Variants in ZNF324B observed in about 807,000 individuals in gnomAD.
The protein encoded by ZNF324B is zinc finger protein 324B.
In ZNF324B, 7 loss-of-function variants were observed where a neutral mutation model predicts 10.6. That is an observed-to-expected ratio of 0.66 (90% CI 0.38 to 1.24). The LOEUF (loss-of-function observed/expected upper bound fraction) is 1.24, where lower values mean the gene tolerates loss of function less well. ZNF324B is among the 50% of genes most tolerant of loss of function. ZNF324B has a pLI of 0.02. For missense variants in ZNF324B, 640 were observed against 764.7 expected, an observed-to-expected ratio of 0.84 and a Z score of 1.92; for synonymous variants, 316 against 321.0, an observed-to-expected ratio of 0.98 and a Z score of 0.17.
chr19:58,427,709 G>A, the ZNF324B span, among the ~76,000 whole-genome samples: 1 of 151,354 alleles, frequency 6.6e-6, no homozygotes, highest in South Asian at 2.1e-4. Flanking sequence ...AGGCTGGAGT[G>A]CAGTGGTGCA....
At chr19:58,428,837 A>C in the ZNF324B span, 1 of 152,212 alleles carries the variant, frequency 6.6e-6, no homozygotes, top group African/African-American at 2.4e-5. Context: ...GATAGTTCCC[A>C]CATAGCCCTG....
chr19:58,456,803 A>G lies in ZNF324B; in HGVS notation c.*224A>G. On this transcript the variant is annotated 3_prime_UTR_variant, in exon 4 of 4. Transcript: ENST00000336614. This position sits in a 1 kb window ranked among gnomAD's most constrained non-coding sequence, Gnocchi z 4.7. Reference sequence around the variant, plus strand: ...CTCAAAGAGGTAACACTGCAGAAACATCAGAGGGAGGACATGTCAGCTGGA... The same window carrying G: ...CTCAAAGAGGTAACACTGCAGAAACGTCAGAGGGAGGACATGTCAGCTGGA... 1.6e-6 allele frequency: 1 copy of G among 606,634 alleles called. No homozygotes were observed. Among genetic ancestry groups the G allele is most frequent in the Non-Finnish European group, 2.9e-6 (1 of 348,048 alleles). The allele number at this position is 606,634 out of a possible 1,614,324, so 37.6% of individuals were successfully genotyped here. A position where few individuals can be genotyped will look rare whatever the true frequency, so the allele number is the denominator to read the frequency against.
chr19:58,439,998 C>T, the ZNF324B span: 5 of 634,662 alleles, frequency 7.9e-6, no homozygotes, highest in Non-Finnish European at 1.3e-5. Context: ...GCTCCACTTT[C>T]GGGAACACCT....
the ZNF324B span, among the ~76,000 whole-genome samples, chr19:58,424,720 G>A: frequency 7.2e-5 from 11 of 152,248 alleles, no homozygotes; most frequent in East Asian, 2.1e-3. Context: ...TGCACCTGTA[G>A]TCCCAGCTAC....
the ZNF324B span, chr19:58,436,757 C>A: frequency 1.9e-6 from 1 of 513,058 alleles, no homozygotes; most frequent in Non-Finnish European, 3.6e-6. Context: ...GGTAACCCGA[C>A]CAGGGATTGG....
At chr19:58,450,715 A>G (rs1599976510), upstream of ZNF324B, among the ~76,000 whole-genome samples, 1 of 152,214 alleles carries the variant, frequency 6.6e-6, no homozygotes, top group East Asian at 1.9e-4. Flanking sequence ...GAGGAAGACA[A>G]AATGAATTAA....
chr19:58,441,732 G>C, the ZNF324B span: 33,845 of 152,332 alleles, frequency 0.22, 4,320 homozygotes, highest in East Asian at 0.41. Context: ...AACGGCCTGA[G>C]GATAGGATTT....
At chr19:58,450,844 C>T (rs1326247450), upstream of ZNF324B, among the ~76,000 whole-genome samples, 1 of 152,136 alleles carries the variant, frequency 6.6e-6, no homozygotes, top group African/African-American at 2.4e-5. Flanking sequence ...TTGAGACTGC[C>T]CTGCCTTTTG....
chr19:58,439,047 T>C, the ZNF324B span, among the ~76,000 whole-genome samples: 1 of 152,218 alleles, frequency 6.6e-6, no homozygotes, highest in Non-Finnish European at 1.5e-5. Flanking sequence ...GTGCTGGGAT[T>C]ACAAGTGTGA....
chr19:58,422,060 G>A, the ZNF324B span, among the ~76,000 whole-genome samples: 1 of 152,188 alleles, frequency 6.6e-6, no homozygotes, highest in African/African-American at 2.4e-5. Context: ...TGGGACTACA[G>A]GTGTGTGCCA....
the ZNF324B span, chr19:58,433,748 T>C: frequency 6.2e-7 from 1 of 1,614,112 alleles, no homozygotes; most frequent in Non-Finnish European, 8.5e-7. Context: ...CTTTCTTTTG[T>C]GTGAACTCTC....
the ZNF324B span, chr19:58,430,370 T>C: frequency 1.3e-5 from 2 of 152,280 alleles, no homozygotes; most frequent in Non-Finnish European, 2.9e-5. Context: ...TAGTGACTAT[T>C]GTTTTAAGCC....
chr19:58,452,910 C>T (rs2052874794), intron 1 of ZNF324B: 1 of 151,854 alleles, frequency 6.6e-6, no homozygotes, highest in Admixed American at 6.6e-5. Context: ...CATCCTGGCT[C>T]ACACAGTGAA....
the ZNF324B span, chr19:58,435,337 G>A: frequency 1.8e-6 from 2 of 1,097,406 alleles, no homozygotes; most frequent in South Asian, 3.2e-5. Context: ...AGGCCAACAG[G>A]GCCATCATCA....
At chr19:58,451,962 C>T (rs1373659882) in intron 1 of ZNF324B, among the ~76,000 whole-genome samples, 8 of 152,218 alleles carry the variant, frequency 5.3e-5, no homozygotes, top group Non-Finnish European at 1.2e-4. Context: ...GCGGGTTCCG[C>T]TGGCGGCGGT....
chr19:58,448,129 C>T (rs1280523373), upstream of ZNF324B, among the ~76,000 whole-genome samples: 2 of 152,282 alleles, frequency 1.3e-5, no homozygotes, highest in Admixed American at 6.5e-5. Flanking sequence ...TAAAGATACC[C>T]GAAAATGTGG....
At chr19:58,433,618 C>A in the ZNF324B span, 1 of 1,614,152 alleles carries the variant, frequency 6.2e-7, no homozygotes, top group Admixed American at 1.7e-5. Context: ...GGATTTTCGG[C>A]TAAAGAATTT....
At position 58,454,290 on chromosome 19, in the gene ZNF324B, C is replaced by A. The variant is rs767153473; in HGVS notation, c.184C>A (p.Pro62Thr). 9 of 1,614,116 alleles carry A rather than the reference C, an allele frequency of 5.6e-6. No homozygotes were observed. Among genetic ancestry groups the A allele is most frequent in the Non-Finnish European group, 5.1e-6 (6 of 1,180,012 alleles). Reference protein sequence around the residue: ...QLERGEEPWVPSGKDMTLARN... With the variant: ...QLERGEEPWVTSGKDMTLARN... ...TGAGCGTGGCGAGGAGCCCTGGGTT[C>A]CCAGTGGAAAGGACATGACCCTGGC... Residue 62 changes from proline to threonine, a missense_variant, in exon 3 of 4, where the codon CCC becomes ACC. Pro to Thr is a conservative substitution (Grantham distance 38). Coordinates refer to ENST00000336614, the MANE Select transcript of ZNF324B (RefSeq NM_207395.3).
the ZNF324B span, chr19:58,418,769 C>T: frequency 1.2e-4 from 18 of 152,106 alleles, no homozygotes; most frequent in African/African-American, 3.1e-4. Context: ...GGCACCACAT[C>T]TGACTAATTT....
Sources: allele counts gnomAD v4.1 joint callset (sites outside exome capture counted in the v4.1 genomes callset), GRCh38; gene constraint gnomAD v4.1.1; non-coding constraint Gnocchi (gnomAD v3.1); transcripts MANE v1.5; gene names NCBI Gene and HGNC (gene_info 2026-07-23, HGNC 2026-07-21).